PEMT: variants seen among roughly 807,000 people sequenced by gnomAD.
PEMT encodes phospholipid methyltransferase.
A neutral mutation model predicts 27.4 loss-of-function variants in PEMT; 23 were observed. The observed-to-expected ratio is 0.84, with a 90% CI of 0.60 to 1.19. The LOEUF (loss-of-function observed/expected upper bound fraction) is 1.19, where lower values mean the gene tolerates loss of function less well. Among genes scored for constraint, PEMT ranks in the 50% most tolerant of loss-of-function variants. The pLI is 0.00. For synonymous variants in PEMT, 137 were observed against 139.1 expected (o/e 0.98, Z 0.11); for missense variants, 307 against 310.1 (o/e 0.99, Z 0.07).
chr17:17,518,680 G>A (rs995549347), intron 3 of PEMT, among the ~76,000 whole-genome samples: 3 of 152,202 alleles, frequency 2.0e-5, no homozygotes, highest in East Asian at 1.9e-4. Flanking sequence ...GCTCAAGCAC[G>A]TGCCTGTGTT....
chr17:17,507,253 A>G (rs2142497725), intron 5 of PEMT: 1 of 1,435,286 alleles, frequency 7.0e-7, no homozygotes, highest in Non-Finnish European at 9.5e-7. Context: ...GAGGGAGGAA[A>G]GGAGCTGTCT....
chr17:17,571,919 G>A (rs545144301), intron 2 of PEMT, among the ~76,000 whole-genome samples: 1 of 152,234 alleles, frequency 6.6e-6, no homozygotes, highest in South Asian at 2.1e-4. Flanking sequence ...GGCTGGTTTC[G>A]AACTCCTGGG....
At chr17:17,543,242 C>A (rs1194000001) in intron 2 of PEMT, among the ~76,000 whole-genome samples, 3 of 152,272 alleles carry the variant, frequency 2.0e-5, no homozygotes, top group Non-Finnish European at 4.4e-5. Context: ...GCGTTCTTCC[C>A]AAGTGCGACC....
At position 17,546,186 on chromosome 17, in the gene PEMT, G is replaced by A. The variant is rs16961856; in HGVS notation, c.205-23791C>T. Among the ~76,000 whole-genome samples, 1,476 of 152,312 alleles carry A rather than the reference G, an allele frequency of 9.7e-3. 28 individuals carry two copies. The highest frequency in any genetic ancestry group is 0.033 in the African/African-American group (1,369 of 41,566). On this transcript the variant is annotated intron_variant, in intron 2 of 6. Transcript: ENST00000255389. ...GATCCAGTGGCCTGGGCTAGAAGGC[G>A]GTGTCACCTGAGGCCAATGAAGCCA... is the stretch of plus-strand genomic sequence containing the variant.
chr17:17,570,953 G>A (rs1269206787), intron 2 of PEMT: 1 of 976,980 alleles, frequency 1.0e-6, no homozygotes, highest in Non-Finnish European at 1.2e-6. Flanking sequence ...CATTGGGGAG[G>A]TCTTGGCAGG....
chr17:17,539,085 T>C (rs1411582108), intron 2 of PEMT, among the ~76,000 whole-genome samples: 1 of 152,224 alleles, frequency 6.6e-6, no homozygotes, highest in African/African-American at 2.4e-5. Context: ...GTCAGATTTA[T>C]GAAGGTAACA....
intron 2 of PEMT, among the ~76,000 whole-genome samples, chr17:17,560,603 G>A (rs1287597274): frequency 3.3e-5 from 5 of 152,280 alleles, no homozygotes; most frequent in African/African-American, 4.8e-5. Flanking sequence ...ATGGGGGCGC[G>A]GGCCCCTGGG....
chr17:17,562,882 CCCTG>C (rs1266617567), intron 2 of PEMT, among the ~76,000 whole-genome samples: 1 of 152,146 alleles, frequency 6.6e-6, no homozygotes, highest in Non-Finnish European at 1.5e-5. Context: ...TTCCCCATCC[CCCTG>C]CCCCATGTGG....
intron 3 of PEMT, among the ~76,000 whole-genome samples, chr17:17,520,033 G>A (rs1052051162): frequency 2.6e-5 from 4 of 152,174 alleles, no homozygotes; most frequent in African/African-American, 4.8e-5. Flanking sequence ...ACAGCTCAGC[G>A]TGCCAGCCCT....
chr17:17,577,094 G>C, intron 1 of PEMT, 67 bp from the exon 2 acceptor site: 1 of 1,229,748 alleles, frequency 8.1e-7, no homozygotes, highest in Non-Finnish European at 1.2e-6. Flanking sequence ...CCAGGAGTCG[G>C]AGAAAAAGTT....
intron 2 of PEMT, among the ~76,000 whole-genome samples, chr17:17,549,958 G>C (rs544072726): frequency 6.6e-6 from 1 of 152,312 alleles, no homozygotes; most frequent in East Asian, 1.9e-4. Flanking sequence ...CGCAGGGAGG[G>C]AGCACACGCT....
In PEMT at chr17:17,561,192, TCA is replaced by T. The variant is rs1215561089; in HGVS notation, c.204+15726_204+15727del. Among the ~76,000 whole-genome samples, 2 of 152,186 alleles carry T rather than the reference TCA, an allele frequency of 1.3e-5. No individual in the cohort carries two copies. The highest frequency in any genetic ancestry group is 2.9e-5 in the Non-Finnish European group (2 of 68,004). ...CCAGAGGACAACAGCCACTCCCAGC[TCA>T]CATTTTTCAGGCTTCAACTCTGCCT... On this transcript the variant is annotated intron_variant, in intron 2 of 6. Coordinates refer to ENST00000255389, the MANE Select transcript of PEMT (RefSeq NM_148172.3). This position sits in a 1 kb window ranked among gnomAD's most constrained non-coding sequence, Gnocchi z 4.5.
intron 2 of PEMT, among the ~76,000 whole-genome samples, chr17:17,565,641 C>A (rs1453451706): frequency 5.3e-5 from 8 of 152,272 alleles, no homozygotes; most frequent in African/African-American, 1.9e-4. Context: ...GAGCCCAACA[C>A]CAGCTGCCAC....
intron 2 of PEMT, among the ~76,000 whole-genome samples, chr17:17,540,921 G>A (rs547065330): frequency 1.8e-4 from 27 of 152,318 alleles, no homozygotes; most frequent in Admixed American, 8.5e-4. Flanking sequence ...AGTGGGCAGG[G>A]AGTGTCTCCA....
At chr17:17,536,953 C>T (rs73978968) in intron 2 of PEMT, among the ~76,000 whole-genome samples, 85 of 152,290 alleles carry the variant, frequency 5.6e-4, no homozygotes, top group African/African-American at 1.9e-3. Flanking sequence ...GCACCCAGCC[C>T]GGGAAGTCAG....
Position 17,512,600 on chromosome 17 carries a change from C to CGCG in PEMT, c.372_374dup (p.Ala126dup). 2 of 1,601,180 alleles carry CGCG rather than the reference C, an allele frequency of 1.2e-6. No homozygotes were observed. The highest frequency in any genetic ancestry group is 1.7e-6 in the Non-Finnish European group (2 of 1,173,070). ...GGAGCGCGAGGCCCAGGCTGTAGGC[C>CGCG]GCGGGGGTGTCCAGGCTCTCCATCC... On this transcript the variant is annotated inframe_insertion, in exon 4 of 7. Coordinates refer to ENST00000255389, the MANE Select transcript of PEMT (RefSeq NM_148172.3). This position sits in a 1 kb window ranked among gnomAD's most constrained non-coding sequence, Gnocchi z 6.3.
chr17:17,557,227 G>A (rs912388568), intron 2 of PEMT, among the ~76,000 whole-genome samples: 1 of 152,042 alleles, frequency 6.6e-6, no homozygotes, highest in Non-Finnish European at 1.5e-5. Flanking sequence ...GATTCTTGCC[G>A]CCACCTCCCC....
At chr17:17,591,400 CACGCCACG>C in intron 1 of PEMT, 123 bp downstream of exon 1, 2 of 779,158 alleles carry the variant, frequency 2.6e-6, no homozygotes, top group Non-Finnish European at 4.0e-6. Flanking sequence ...CCACCCCCGC[CACGCCACG>C]CCCCCATTGC....
At chr17:17,591,904 TG>T, upstream of PEMT, 1 of 985,430 alleles carries the variant, frequency 1.0e-6, no homozygotes, top group South Asian at 4.7e-5. Context: ...AGTATCCCCT[TG>T]GATCCGGCCT....
Sources: allele counts gnomAD v4.1 joint callset (sites outside exome capture counted in the v4.1 genomes callset), GRCh38; gene constraint gnomAD v4.1.1; non-coding constraint Gnocchi (gnomAD v3.1); transcripts MANE v1.5; gene names NCBI Gene and HGNC (gene_info 2026-07-23, HGNC 2026-07-21).